HIBCH: variants seen among roughly 807,000 people sequenced by gnomAD.
HIBCH encodes the protein 3-hydroxyisobutyryl-CoA hydrolase, mitochondrial.
In HIBCH, 50 loss-of-function variants were observed where a neutral mutation model predicts 58.2. The ratio of observed to expected loss-of-function variants is 0.86; its 90% CI spans 0.68 to 1.09. The LOEUF is 1.09. Ranked by LOEUF, HIBCH falls within the 50% of genes least tolerant of loss-of-function variation. The probability of loss-of-function intolerance (pLI) is 0.00; values close to 1 mark genes in which losing one functional copy is unlikely to be tolerated. For missense variants in HIBCH, 450 were observed against 449.7 expected (o/e 1.00, Z -0.01); for synonymous variants, 151 against 146.9 (o/e 1.03, Z -0.20).
intron 11 of HIBCH, among the ~76,000 whole-genome samples, chr2:190,221,729 AGAG>A (rs1002908574): frequency 2.6e-5 from 4 of 152,150 alleles, no homozygotes; most frequent in South Asian, 4.2e-4. Flanking sequence ...CCCAGCAGAG[AGAG>A]GAGGAGAAGT....
At chr2:190,301,178 G>GA (rs764797896) in intron 2 of HIBCH, among the ~76,000 whole-genome samples, 3 of 152,190 alleles carry the variant, frequency 2.0e-5, no homozygotes, top group Admixed American at 2.0e-4. Flanking sequence ...GCTCAGGAGG[G>GA]AAACAGAGGT....
intron 3 of HIBCH, among the ~76,000 whole-genome samples, 160 bp downstream of exon 3, chr2:190,296,652 TA>T (rs1157264047): frequency 1.3e-5 from 2 of 152,114 alleles, no homozygotes; most frequent in East Asian, 1.9e-4. Context: ...TGCTCAAGAA[TA>T]ACTGCACAGG....
intron 5 of HIBCH, among the ~76,000 whole-genome samples, chr2:190,288,876 C>A (rs966392780): frequency 3.9e-5 from 6 of 152,142 alleles, no homozygotes; most frequent in African/African-American, 7.2e-5. Context: ...CTTTGGGAGG[C>A]CGGGGCAGAT....
chr2:190,226,944 G>A (rs1386409788), intron 11 of HIBCH, among the ~76,000 whole-genome samples: 8 of 152,136 alleles, frequency 5.3e-5, no homozygotes, highest in Non-Finnish European at 1.2e-4. Flanking sequence ...CAAACAAATG[G>A]AAGAACATTC....
intron 1 of HIBCH, among the ~76,000 whole-genome samples, chr2:190,194,477 TACACACAC>T (rs3083429): frequency 0.018 from 2,568 of 141,460 alleles, 41 homozygotes; most frequent in African/African-American, 0.05. Context: ...ATCCTGTGTA[TACACACAC>T]ACACACACAC....
intron 6 of HIBCH, among the ~76,000 whole-genome samples, chr2:190,277,954 ATTTTC>A (rs371458512): frequency 5.3e-4 from 81 of 152,244 alleles, no homozygotes; most frequent in East Asian, 2.3e-3. Context: ...TTGTATGAAG[ATTTTC>A]TTTTAACAGA....
intron 4 of HIBCH, among the ~76,000 whole-genome samples, chr2:190,293,185 G>C (rs1364025774): frequency 6.7e-6 from 1 of 150,160 alleles, no homozygotes; most frequent in African/African-American, 2.5e-5. Context: ...CTGAAAAACA[G>C]TATTTTAAAA....
chr2:190,264,941 G>A (rs1183456398), intron 6 of HIBCH, among the ~76,000 whole-genome samples: 2 of 151,806 alleles, frequency 1.3e-5, no homozygotes, highest in Non-Finnish European at 2.9e-5. Context: ...TAGCCAACAC[G>A]GTGAAACCCT....
At chr2:190,239,888 G>C (rs1029237731) in intron 11 of HIBCH, among the ~76,000 whole-genome samples, 1 of 152,146 alleles carries the variant, frequency 6.6e-6, no homozygotes, top group African/African-American at 2.4e-5. Flanking sequence ...GAACTTGAGT[G>C]ATCTGCCCGC....
intron 10 of HIBCH, 143 bp from the exon 11 acceptor site, chr2:190,245,111 A>G (rs1686568359): frequency 3.0e-6 from 2 of 676,632 alleles, no homozygotes; most frequent in Admixed American, 2.2e-5. Context: ...CGTGAAAAGA[A>G]AGAGAGCATT....
At chr2:190,257,408 G>C (rs977013304) in intron 7 of HIBCH, among the ~76,000 whole-genome samples, 33 of 151,518 alleles carry the variant, frequency 2.2e-4, no homozygotes, top group African/African-American at 7.8e-4. Flanking sequence ...AAGGAGGAAT[G>C]AATACTGGAG....
At chr2:190,225,951 C>T (rs1685879490) in intron 11 of HIBCH, among the ~76,000 whole-genome samples, 1 of 152,204 alleles carries the variant, frequency 6.6e-6, no homozygotes, top group African/African-American at 2.4e-5. Flanking sequence ...CCCTGGGATG[C>T]AAGGCTGGTT....
At chr2:190,268,731 G>C (rs1461437707) in intron 6 of HIBCH, among the ~76,000 whole-genome samples, 2 of 152,176 alleles carry the variant, frequency 1.3e-5, no homozygotes, top group Admixed American at 6.5e-5. Context: ...TACTATTCTA[G>C]ACAAAAAGCA....
chr2:190,316,095 G>A lies in HIBCH; in HGVS notation c.35+3621C>T, dbSNP rs1688704811. The stretch of plus-strand genomic sequence containing the variant: ...GTTGAAAACTAATTGCCAGAAAGAT[G>A]CCAACTGTAACTGTGGTATTGGTCA... On this transcript the variant is annotated intron_variant, in intron 1 of 13. Coordinates refer to ENST00000359678, the MANE Select transcript of HIBCH (RefSeq NM_014362.4). 2.0e-5 allele frequency among the ~76,000 whole-genome samples: 3 copies of A among 152,136 alleles called. No homozygotes were observed. In the South Asian group the frequency reaches 6.2e-4, roughly 32 times the overall value.
chr2:190,249,820 A>C, intron 8 of HIBCH, 94 bp from the exon 9 acceptor site: 1 of 838,804 alleles, frequency 1.2e-6, no homozygotes, highest in Non-Finnish European at 2.0e-6. Flanking sequence ...AGAATTCTTG[A>C]CTTTAAATTA....
At chr2:190,255,428 C>T (rs1368030074) in intron 7 of HIBCH, among the ~76,000 whole-genome samples, 1 of 152,184 alleles carries the variant, frequency 6.6e-6, no homozygotes, top group East Asian at 1.9e-4. Flanking sequence ...CCTCTGAGAG[C>T]ATCTTTAATC....
At chr2:190,286,756 A>G (rs1319369212) in intron 6 of HIBCH, among the ~76,000 whole-genome samples, 1 of 152,252 alleles carries the variant, frequency 6.6e-6, no homozygotes, top group East Asian at 1.9e-4. Flanking sequence ...GTCAACTGAC[A>G]GAAATGCAGT....
At chr2:190,284,651 T>C (rs1687787075) in intron 6 of HIBCH, among the ~76,000 whole-genome samples, 1 of 152,204 alleles carries the variant, frequency 6.6e-6, no homozygotes, top group Non-Finnish European at 1.5e-5. Context: ...TTGACTTCTG[T>C]CACATTGTGT....
At chr2:190,309,518 CAT>C (rs1688503540) in intron 2 of HIBCH, among the ~76,000 whole-genome samples, 1 of 151,790 alleles carries the variant, frequency 6.6e-6, no homozygotes. Flanking sequence ...TAATAGCTAA[CAT>C]GTATAAAATG....
Sources: gnomAD v4.1 joint callset for allele counts (sites outside exome capture counted in the v4.1 genomes callset) on GRCh38, gnomAD v4.1.1 for gene constraint, MANE v1.5 for transcripts, NCBI Gene and HGNC (gene_info 2026-07-23, HGNC 2026-07-21) for gene names.